GTF3C2: variants seen among roughly 807,000 people sequenced by gnomAD.
GTF3C2 encodes the protein general transcription factor IIIC subunit 2, also known as general transcription factor 3C polypeptide 2.
A neutral mutation model predicts 117.4 loss-of-function variants in GTF3C2; 17 were observed. That is an observed-to-expected ratio of 0.14 (90% confidence interval 0.10 to 0.22). The LOEUF is 0.22. Ranked by LOEUF, GTF3C2 falls within the 10% of genes least tolerant of loss-of-function variation. The pLI, the probability that GTF3C2 is intolerant of heterozygous loss-of-function variation, is 1.00. For missense variants in GTF3C2, 888 were observed against 1,143.6 expected, an observed-to-expected ratio of 0.78 and a Z score of 3.22; for synonymous variants, 437 against 427.0, an observed-to-expected ratio of 1.02 and a Z score of -0.29.
chr2:27,349,949 G>C (rs766123016), intron 1 of GTF3C2, among the ~76,000 whole-genome samples: 1 of 152,004 alleles, frequency 6.6e-6, no homozygotes, highest in African/African-American at 2.4e-5. Context: ...CCAAAAGGGA[G>C]TAGTTTATAA....
In GTF3C2 at chr2:27,343,580, T is replaced by G. The variant is rs1572578181; in HGVS notation, c.-24-2A>C. On this transcript the variant is annotated splice_acceptor_variant, in intron 1 of 18. Coordinates refer to ENST00000264720, the Ensembl canonical transcript of GTF3C2. LOFTEE classifies it low-confidence loss of function (5UTR_SPLICE). ...CAGCACCCCCCAAAATGGCTGCCCCTGCATACAGAGACACACAAATGAGTA... is the reference window on the plus strand; with the variant it reads ...CAGCACCCCCCAAAATGGCTGCCCCGGCATACAGAGACACACAAATGAGTA... 6.2e-7 allele frequency: 1 copy of G among 1,611,634 alleles called. No homozygotes were observed. Among genetic ancestry groups the G allele is most frequent in the African/African-American group, 1.3e-5 (1 of 74,862 alleles).
intron 4 of GTF3C2, chr2:27,340,602 T>C (rs1680692378): frequency 6.6e-6 from 1 of 151,220 alleles, no homozygotes; most frequent in Non-Finnish European, 1.5e-5. Flanking sequence ...TTAGGACCTA[T>C]CTCTTACCTG....
intron 1 of GTF3C2, among the ~76,000 whole-genome samples, chr2:27,348,558 T>C (rs900077131): frequency 1.3e-5 from 2 of 152,042 alleles, no homozygotes; most frequent in Non-Finnish European, 1.5e-5. Context: ...ATTCCCAGTA[T>C]GTTGGGAGGC....
exon 2 of GTF3C2, chr2:27,343,348 G>A: frequency 1.2e-6 from 2 of 1,613,998 alleles, no homozygotes; most frequent in Non-Finnish European, 1.7e-6. Context: ...GCTCTGGAGG[G>A]AGCCTCCTCT....
chr2:27,351,148 A>G (rs752396623), intron 1 of GTF3C2, among the ~76,000 whole-genome samples: 1 of 152,020 alleles, frequency 6.6e-6, no homozygotes, highest in Non-Finnish European at 1.5e-5. Context: ...ATGGTGGCTC[A>G]CGCCTGTAAT....
Position 27,329,487 on chromosome 2 carries a change from G to A in GTF3C2, c.1769C>T (p.Pro590Leu). 1 of 1,614,000 alleles carries A rather than the reference G, an allele frequency of 6.2e-7. No homozygotes were observed. The highest frequency in any genetic ancestry group is 8.5e-7 in the Non-Finnish European group (1 of 1,179,934). Residue 590 changes from proline (P) to leucine (L), a missense_variant, in exon 13 of 19, where the codon CCC (proline) becomes CTC (leucine). By Grantham distance (98) the Pro-to-Leu change is moderately conservative. Around this residue, in one of 7 missense-constraint regions of GTF3C2, gnomAD observed 277 missense variants for 445.4 expected, o/e 0.62. Coordinates refer to ENST00000264720, the Ensembl canonical transcript of GTF3C2. This position sits in a 1 kb window ranked among gnomAD's most constrained non-coding sequence, Gnocchi z 4.5. ...ATCAGAGAGCCGTATCCGCTGCAGGGGTGAGTTAGTGGGAAGGTTCCAGAA... is the reference window on the plus strand; with the variant it reads ...ATCAGAGAGCCGTATCCGCTGCAGGAGTGAGTTAGTGGGAAGGTTCCAGAA...
At chr2:27,331,585 A>G (rs1427344585) in intron 12 of GTF3C2, among the ~76,000 whole-genome samples, 1 of 151,980 alleles carries the variant, frequency 6.6e-6, no homozygotes, top group Non-Finnish European at 1.5e-5. Context: ...TCGGCCTTCC[A>G]AAGTGCTGGG....
intron 12 of GTF3C2, among the ~76,000 whole-genome samples, chr2:27,330,973 G>C (rs899645737): frequency 1.3e-5 from 2 of 151,984 alleles, no homozygotes; most frequent in Non-Finnish European, 2.9e-5. Flanking sequence ...AAATAAAATA[G>C]CCTGGTGTGG....
chr2:27,349,261 C>T (rs1013472313), intron 1 of GTF3C2, among the ~76,000 whole-genome samples: 12 of 151,554 alleles, frequency 7.9e-5, no homozygotes, highest in African/African-American at 2.9e-4. Context: ...CATTCTCCTG[C>T]CTCAGCCTCC....
At chr2:27,332,727 A>G (rs973352691) in intron 12 of GTF3C2, among the ~76,000 whole-genome samples, 1 of 143,124 alleles carries the variant, frequency 7.0e-6, no homozygotes, top group Non-Finnish European at 1.5e-5. Context: ...AAATTTTATT[A>G]TTTTTTTGAG....
At chr2:27,337,145 CAG>C (rs1361873093) in intron 7 of GTF3C2, 97 bp downstream of exon 7, 9 of 699,676 alleles carry the variant, frequency 1.3e-5, no homozygotes, top group African/African-American at 3.6e-5. Flanking sequence ...GAACCAGCAT[CAG>C]GGGAAGGACA....
chr2:27,336,209 C>T (rs1680471012), exon 8 of GTF3C2: 1 of 1,613,148 alleles, frequency 6.2e-7, no homozygotes, highest in East Asian at 2.2e-5. Context: ...AGCTTTCTTG[C>T]TGCAAGGTCC....
At chr2:27,350,402 T>C (rs1681088783) in intron 1 of GTF3C2, 1 of 985,234 alleles carries the variant, frequency 1.0e-6, no homozygotes, top group African/African-American at 1.7e-5. Context: ...GAAAAACACT[T>C]GCATAAATAA....
exon 19 of GTF3C2, chr2:27,326,302 C>G (rs1184026818): frequency 8.7e-6 from 4 of 459,370 alleles, no homozygotes; most frequent in Non-Finnish European, 1.3e-5. Flanking sequence ...CTTTTCAGTT[C>G]TCCATACACC....
At chr2:27,340,769 C>A (rs913460486) in intron 4 of GTF3C2, 1 of 150,498 alleles carries the variant, frequency 6.6e-6, no homozygotes, top group Non-Finnish European at 1.5e-5. Context: ...TACAGGCGTG[C>A]GCCACCACAT....
intron 1 of GTF3C2, among the ~76,000 whole-genome samples, chr2:27,345,120 C>CAA (rs56166164): frequency 1.2e-4 from 18 of 151,046 alleles, no homozygotes; most frequent in Non-Finnish European, 1.9e-4. Context: ...TCCTTTGCTA[C>CAA]AAAAAAACAT....
rs996914513 is a variant in GTF3C2, at chr2:27,354,176, G to C, written c.-25+2563C>G. On this transcript the variant is annotated intron_variant, in intron 1 of 18. Coordinates refer to ENST00000264720, the Ensembl canonical transcript of GTF3C2. ...CAAATACCTGTAGCTCTAGCTATTC[G>C]AGAGGCTGAGGCAGGAGGATCGCCT... Among the ~76,000 whole-genome samples the C allele has an allele frequency of 3.3e-5, 5 of 151,864 alleles. No homozygotes were observed. The South Asian group carries it at 1.0e-3, about 32-fold the overall frequency.
exon 19 of GTF3C2, chr2:27,326,830 C>G: frequency 1.9e-6 from 3 of 1,613,950 alleles, no homozygotes; most frequent in Non-Finnish European, 2.5e-6. Flanking sequence ...TGGATTCGAA[C>G]CAGCCCTGAC....
chr2:27,337,109 C>T, intron 7 of GTF3C2, 135 bp downstream of exon 7: 1 of 636,560 alleles, frequency 1.6e-6, no homozygotes, highest in Non-Finnish European at 2.8e-6. Context: ...CAGCTCTAGT[C>T]AGCACTCTTA....
Sources: gnomAD v4.1 joint callset for allele counts (sites outside exome capture counted in the v4.1 genomes callset) on GRCh38, gnomAD v4.1.1 for gene constraint, gnomAD v4.1.1 regional missense constraint, Gnocchi (gnomAD v3.1) non-coding constraint, MANE v1.5 for transcripts, NCBI Gene and HGNC (gene_info 2026-07-23, HGNC 2026-07-21) for gene names.